HEATR4: variants seen among roughly 807,000 people sequenced by gnomAD.
HEATR4 encodes the protein HEAT repeat-containing protein 4.
HEATR4 carries 95 observed loss-of-function variants against 108.8 expected under a neutral mutation model. The ratio of observed to expected loss-of-function variants is 0.87; its 90% CI spans 0.74 to 1.04. HEATR4 has a LOEUF of 1.04. Ranked by LOEUF, HEATR4 falls within the 50% of genes least tolerant of loss-of-function variation. HEATR4 has a pLI of 0.00. For missense variants in HEATR4, 1,152 were observed against 1,253.8 expected (o/e 0.92, Z 1.23); for synonymous variants, 443 against 459.4 (o/e 0.96, Z 0.46).
chr14:73,585,882 G>A, the HEATR4 span, among the ~76,000 whole-genome samples: 11 of 142,848 alleles, frequency 7.7e-5, no homozygotes, highest in Non-Finnish European at 1.5e-4. Flanking sequence ...GTGCAGCAGC[G>A]CAATCTCGGC....
the HEATR4 span, among the ~76,000 whole-genome samples, chr14:73,613,801 A>G: frequency 6.6e-6 from 1 of 152,164 alleles, no homozygotes; most frequent in African/African-American, 2.4e-5. Context: ...CCCTAGTCTA[A>G]GTAAACACAG....
chr14:73,599,998 C>T, the HEATR4 span, among the ~76,000 whole-genome samples: 1 of 152,162 alleles, frequency 6.6e-6, no homozygotes, highest in Non-Finnish European at 1.5e-5. Flanking sequence ...ATAGATGAGG[C>T]TCAGAACAGT....
rs527851824 is a variant in HEATR4, at chr14:73,554,264, C to T, written c.-152+4487G>A. 4.1e-3 allele frequency among the ~76,000 whole-genome samples: 466 copies of T among 113,954 alleles called. 104 individuals carry two copies. The highest frequency in any genetic ancestry group is 0.013 in the African/African-American group (444 of 35,392). The allele number at this position is 113,954 out of a possible 152,430, so 74.8% of individuals were successfully genotyped here. A position where few individuals can be genotyped will look rare whatever the true frequency, so the allele number is the denominator to read the frequency against. ...CAGAGAGGCAGTGGTTGCAGTGAGC[C>T]GAGATATTGGATTAGGCAGTCAAAA... is the stretch of plus-strand genomic sequence containing the variant. On this transcript the variant is annotated intron_variant, in intron 1 of 17. Transcript: ENST00000553558.
upstream of HEATR4, among the ~76,000 whole-genome samples, chr14:73,562,103 A>T (rs1889538073): frequency 6.6e-6 from 1 of 152,158 alleles, no homozygotes; most frequent in Middle Eastern, 3.4e-3. Context: ...TGAGGTACCT[A>T]AAGTAGTCAA....
the HEATR4 span, among the ~76,000 whole-genome samples, chr14:73,633,458 A>G: frequency 6.6e-6 from 1 of 152,154 alleles, no homozygotes; most frequent in Non-Finnish European, 1.5e-5. Context: ...CTACTATTTT[A>G]TAGTTCAATT....
chr14:73,568,768 G>A, the HEATR4 span, among the ~76,000 whole-genome samples: 283 of 152,166 alleles, frequency 1.9e-3, 8 homozygotes, highest in Middle Eastern at 3.4e-3. Flanking sequence ...TGTAAGGAAT[G>A]AAGCTCAGAG....
At chr14:73,482,025 AAAAG>A (rs1290664924) in intron 17 of HEATR4, among the ~76,000 whole-genome samples, 3 of 152,036 alleles carry the variant, frequency 2.0e-5, no homozygotes, top group Admixed American at 6.6e-5. Context: ...ACAAAACAAA[AAAAG>A]GAGAGGAAAA....
At chr14:73,567,115 T>G in the HEATR4 span, among the ~76,000 whole-genome samples, 1 of 152,080 alleles carries the variant, frequency 6.6e-6, no homozygotes, top group African/African-American at 2.4e-5. Context: ...CCCCTTTTTC[T>G]TTTTAGAGAC....
At chr14:73,556,373 C>T (rs1408573117) in intron 1 of HEATR4, among the ~76,000 whole-genome samples, 2 of 108,824 alleles carry the variant, frequency 1.8e-5, no homozygotes, top group Non-Finnish European at 4.0e-5. Context: ...TGCAGTGAGC[C>T]AAGATCACAC....
chr14:73,565,627 C>T, the HEATR4 span, among the ~76,000 whole-genome samples: 94 of 151,856 alleles, frequency 6.2e-4, 1 homozygote, highest in Non-Finnish European at 1.2e-3. Context: ...GGTTCATGGT[C>T]TCGCTGGCTT....
At chr14:73,605,116 T>C in the HEATR4 span, among the ~76,000 whole-genome samples, 2 of 152,068 alleles carry the variant, frequency 1.3e-5, no homozygotes, top group Non-Finnish European at 2.9e-5. Context: ...AAAAAACCTT[T>C]TTCCAGCAAA....
the HEATR4 span, chr14:73,582,639 T>C: frequency 6.6e-6 from 1 of 152,016 alleles, no homozygotes; most frequent in African/African-American, 2.4e-5. Flanking sequence ...GGAGATGTAA[T>C]ATGCTAATGA....
the HEATR4 span, among the ~76,000 whole-genome samples, chr14:73,605,645 A>ACTG: frequency 1.5e-5 from 2 of 131,552 alleles, no homozygotes; most frequent in Non-Finnish European, 3.1e-5. Flanking sequence ...ATCTTGGCTC[A>ACTG]CTGCAACCTC....
the HEATR4 span, among the ~76,000 whole-genome samples, chr14:73,591,159 A>T: frequency 6.6e-6 from 1 of 152,050 alleles, no homozygotes. Context: ...AGACAGGAGG[A>T]TCACTTGAGC....
At chr14:73,628,760 A>G in the HEATR4 span, among the ~76,000 whole-genome samples, 1 of 151,720 alleles carries the variant, frequency 6.6e-6, no homozygotes, top group Non-Finnish European at 1.5e-5. Flanking sequence ...TCTCAAAAAA[A>G]AAAAAAAATT....
chr14:73,573,308 GGTAA>G, the HEATR4 span: 4 of 1,593,480 alleles, frequency 2.5e-6, no homozygotes, highest in Non-Finnish European at 2.6e-6. Context: ...TCACATGTGT[GGTAA>G]GTATATGTTT....
the HEATR4 span, chr14:73,619,135 A>C: frequency 6.9e-7 from 1 of 1,443,598 alleles, no homozygotes; most frequent in Non-Finnish European, 9.2e-7. Flanking sequence ...ATCTCAAAAA[A>C]GAAAAAAAAG....
rs1338188636 is a variant in HEATR4, at chr14:73,531,459, C to T, written c.-151-1215G>A. On this transcript the variant is annotated intron_variant, in intron 1 of 17. Coordinates refer to ENST00000553558, the MANE Select transcript of HEATR4 (RefSeq NM_001220484.1). ...TTTTTGCGAGGGAGTCTCACTCTGT[C>T]GCCCAGGCTGGAGTGCAGTGGTGTG... 6.2e-5 allele frequency among the ~76,000 whole-genome samples: 6 copies of T among 96,686 alleles called. 2 individuals carry two copies. The highest frequency in any genetic ancestry group is 3.5e-4 in the South Asian group (1 of 2,876). The allele number at this position is 96,686 out of a possible 152,430, so 63.4% of individuals were successfully genotyped here.
At chr14:73,496,763 A>G in intron 14 of HEATR4, 84 bp from the exon 15 acceptor site, 1 of 771,502 alleles carries the variant, frequency 1.3e-6, no homozygotes, top group Non-Finnish European at 2.2e-6. Flanking sequence ...ACTTGGAATC[A>G]GGTAAGAATC....
Sources: gnomAD v4.1 joint callset for allele counts (sites outside exome capture counted in the v4.1 genomes callset) on GRCh38, gnomAD v4.1.1 for gene constraint, MANE v1.5 for transcripts, NCBI Gene and HGNC (gene_info 2026-07-23, HGNC 2026-07-21) for gene names.